Variants in FKTN observed in about 807,000 individuals in gnomAD.
The protein encoded by FKTN is ribitol-5-phosphate transferase FKTN.
A neutral mutation model predicts 58.6 loss-of-function variants in FKTN; 47 were observed. The observed-to-expected ratio is 0.80, with a 90% confidence interval of 0.63 to 1.02. The LOEUF (loss-of-function observed/expected upper bound fraction) is 1.02, where lower values mean the gene tolerates loss of function less well. Among genes scored for constraint, FKTN ranks in the 50% least tolerant of loss-of-function variants. The pLI is 0.00. For missense variants in FKTN, 516 were observed against 537.3 expected, an observed-to-expected ratio of 0.96 and a Z score of 0.39; for synonymous variants, 178 against 191.9, an observed-to-expected ratio of 0.93 and a Z score of 0.60.
At chr9:105,580,110 C>G (rs895307710) in intron 3 of FKTN, among the ~76,000 whole-genome samples, 11 of 152,012 alleles carry the variant, frequency 7.2e-5, no homozygotes, top group African/African-American at 2.7e-4. Flanking sequence ...TGGGTCTTGA[C>G]TCTTTATCCA....
chr9:105,580,503 C>T (rs2132174108), intron 3 of FKTN, among the ~76,000 whole-genome samples: 1 of 123,474 alleles, frequency 8.1e-6, no homozygotes, highest in East Asian at 2.6e-4. Context: ...CCCCCACTCT[C>T]TTCTGGCTTG....
At chr9:105,568,695 A>T (rs938507256) in intron 1 of FKTN, among the ~76,000 whole-genome samples, 3 of 152,204 alleles carry the variant, frequency 2.0e-5, no homozygotes, top group African/African-American at 4.8e-5. Flanking sequence ...TTGGTGGGAC[A>T]GTAAACTGGT....
intron 4 of FKTN, 51 bp downstream of exon 4, chr9:105,596,708 T>C (rs1312063114): frequency 4.1e-6 from 5 of 1,213,916 alleles, no homozygotes; most frequent in Non-Finnish European, 6.1e-6. Context: ...ATTTAGTTCA[T>C]TCATTTACTC....
intron 10 of FKTN, among the ~76,000 whole-genome samples, chr9:105,621,002 T>C (rs865861186): frequency 5.9e-5 from 9 of 152,152 alleles, no homozygotes; most frequent in South Asian, 2.1e-4. Context: ...TAAATTACTT[T>C]CTAAGGCTTG....
At chr9:105,625,902 C>G (rs1832681790) in intron 10 of FKTN, among the ~76,000 whole-genome samples, 1 of 151,586 alleles carries the variant, frequency 6.6e-6, no homozygotes, top group Non-Finnish European at 1.5e-5. Context: ...ATCATAGCTC[C>G]TGTTTCCCAC....
chr9:105,573,958 A>G (rs1431028547), intron 2 of FKTN, among the ~76,000 whole-genome samples: 1 of 152,178 alleles, frequency 6.6e-6, no homozygotes, highest in African/African-American at 2.4e-5. Flanking sequence ...TGGTACCCCT[A>G]AGTTCTTTTT....
At chr9:105,613,126 C>A (rs1242369650) in intron 7 of FKTN, among the ~76,000 whole-genome samples, 1 of 152,156 alleles carries the variant, frequency 6.6e-6, no homozygotes, top group East Asian at 1.9e-4. Flanking sequence ...TTAGTCCTTT[C>A]AGTCACTCTG....
At chr9:105,623,371 G>C (rs1463176692) in intron 10 of FKTN, 1 of 152,094 alleles carries the variant, frequency 6.6e-6, no homozygotes, top group African/African-American at 2.4e-5. Flanking sequence ...AGCAAATTAA[G>C]GCAGACCTGA....
chr9:105,585,581 G>A (rs1587968577), intron 3 of FKTN, among the ~76,000 whole-genome samples: 1 of 152,080 alleles, frequency 6.6e-6, no homozygotes, highest in Non-Finnish European at 1.5e-5. Flanking sequence ...TCACTTACAC[G>A]CAGCGTTTTT....
At chr9:105,624,465 T>C (rs989328088) in intron 10 of FKTN, 1 of 151,798 alleles carries the variant, frequency 6.6e-6, no homozygotes, top group Non-Finnish European at 1.5e-5. Context: ...TGGCTTTATA[T>C]AAAAATTTTT....
At chr9:105,574,909 T>A in intron 2 of FKTN, 36 bp from the exon 3 acceptor site, 1 of 693,282 alleles carries the variant, frequency 1.4e-6, no homozygotes, top group South Asian at 1.6e-5. Context: ...ATTAAAGAGG[T>A]TTTTGTTTCT....
At chr9:105,588,158 T>C (rs1844236328) in intron 3 of FKTN, among the ~76,000 whole-genome samples, 1 of 152,226 alleles carries the variant, frequency 6.6e-6, no homozygotes, top group African/African-American at 2.4e-5. Flanking sequence ...ATGATAGAAT[T>C]TTTTCTTAAA....
At chr9:105,587,221 T>C (rs949798564) in intron 3 of FKTN, among the ~76,000 whole-genome samples, 7 of 152,150 alleles carry the variant, frequency 4.6e-5, no homozygotes, top group Non-Finnish European at 1.0e-4. Flanking sequence ...GTTTGTATTA[T>C]CTAGGAGCCC....
Position 105,575,059 on chromosome 9 carries a change from T to G in FKTN, c.27T>G (p.Val9=), listed in dbSNP as rs1233530983. Residue 9 remains valine (V), a synonymous_variant, in exon 3 of 11, where the codon GTT becomes GTG. Coordinates refer to ENST00000357998, the MANE Select transcript of FKTN (RefSeq NM_001079802.2). The part of the protein sequence containing the change: MSRINKNV[V]LALLTLTSSA... ...TGAGTAGAATCAATAAGAACGTGGT[T>G]TTGGCCCTTTTAACGCTGACAAGTT... 1 of 1,609,314 alleles carries G rather than the reference T, an allele frequency of 6.2e-7. No individual in the cohort carries two copies. The highest frequency in any genetic ancestry group is 8.5e-7 in the Non-Finnish European group (1 of 1,175,738).
chr9:105,601,774 A>G (rs1371901009), intron 5 of FKTN, among the ~76,000 whole-genome samples: 1 of 152,200 alleles, frequency 6.6e-6, no homozygotes, highest in Non-Finnish European at 1.5e-5. Context: ...GAACTGTTTG[A>G]TATCTCATAG....
intron 6 of FKTN, among the ~76,000 whole-genome samples, chr9:105,604,838 C>G (rs1828575583): frequency 6.6e-6 from 1 of 151,800 alleles, no homozygotes; most frequent in African/African-American, 2.4e-5. Context: ...TGCCTGTAAT[C>G]CCAGCTACTG....
At chr9:105,596,826 A>G in intron 4 of FKTN, 169 bp downstream of exon 4, 3 of 651,668 alleles carry the variant, frequency 4.6e-6, no homozygotes, top group Non-Finnish European at 8.3e-6. Flanking sequence ...GCTTTATGCA[A>G]TGTCTTATTT....
chr9:105,566,533 T>C (rs1839657335), intron 1 of FKTN, among the ~76,000 whole-genome samples: 1 of 151,934 alleles, frequency 6.6e-6, no homozygotes, highest in African/African-American at 2.4e-5. Flanking sequence ...ACAAATAAAC[T>C]AGAAAATCTA....
intron 3 of FKTN, among the ~76,000 whole-genome samples, chr9:105,588,101 G>A (rs1844225491): frequency 6.6e-6 from 1 of 152,130 alleles, no homozygotes; most frequent in Admixed American, 6.5e-5. Flanking sequence ...TAGGAATTTG[G>A]TTTGAGGGTT....
Sources: gnomAD v4.1 joint callset for allele counts (sites outside exome capture counted in the v4.1 genomes callset) on GRCh38, gnomAD v4.1.1 for gene constraint, MANE v1.5 for transcripts, NCBI Gene and HGNC (gene_info 2026-07-23, HGNC 2026-07-21) for gene names.